MUC17: variants seen among roughly 807,000 people sequenced by gnomAD.
The protein encoded by MUC17 is mucin-17.
In MUC17, 190 loss-of-function variants were observed where a neutral mutation model predicts 170.3. The ratio of observed to expected loss-of-function variants is 1.12; its 90% confidence interval spans 0.99 to 1.26. The LOEUF is 1.26. MUC17 is among the 50% of genes most tolerant of loss of function. The pLI is 0.00. For synonymous variants in MUC17, 2,325 were observed against 2,002.5 expected (o/e 1.16, Z -4.30); for missense variants, 6,415 against 5,530.0 (o/e 1.16, Z -5.08).
rs369560579 is a variant in MUC17, at chr7:101,043,765, A to G, written c.12349A>G (p.Thr4117Ala). 1.2e-6 allele frequency: 2 copies of G among 1,613,516 alleles called. No homozygotes were observed. The highest frequency in any genetic ancestry group is 1.3e-5 in the African/African-American group (1 of 74,896). The change falls in exon 3 of 13, where the codon ACT becomes GCT. Residue 4117 changes from threonine (T) to alanine (A), a missense_variant. By Grantham distance (58) the Thr-to-Ala change is moderately conservative. Coordinates refer to ENST00000306151, the MANE Select transcript of MUC17 (RefSeq NM_001040105.2). Reference sequence around the variant, plus strand: ...GACCACCACCGCTGTCCCCACGAATACTACAATTAAGAGCAACCCCACCTC... The same window carrying G: ...GACCACCACCGCTGTCCCCACGAATGCTACAATTAAGAGCAACCCCACCTC... ...TVTTTAVPTNTTIKSNPTSTP... is the reference protein window; with the variant it reads ...TVTTTAVPTNATIKSNPTSTP...
In MUC17 at chr7:101,041,995, A is replaced by C. The variant is rs1423038800; in HGVS notation, c.10579A>C (p.Thr3527Pro). Residue 3527 changes from threonine to proline, a missense_variant, in exon 3 of 13, where the codon ACA becomes CCA. Transcript: ENST00000306151. ...TPLTNMPVST[T>P]PVASSEASTL... Reference sequence around the variant, plus strand: ...ATTAACAAATATGCCTGTCAGCACCACACCGGTGGCCAGTTCTGAGGCTAG... The same window carrying C: ...ATTAACAAATATGCCTGTCAGCACCCCACCGGTGGCCAGTTCTGAGGCTAG... 5 of 1,613,538 alleles carry C rather than the reference A, an allele frequency of 3.1e-6. No individual in the cohort carries two copies. Among genetic ancestry groups the C allele is most frequent in the Admixed American group, 3.3e-5 (2 of 59,980 alleles).
rs758229077 is a variant in MUC17, at chr7:101,033,061, A to AT, written c.1645_1646insT (p.Ser549MetfsTer8). 1.2e-5 allele frequency: 19 copies of AT among 1,613,200 alleles called. No individual in the cohort carries two copies. In the South Asian group the frequency reaches 2.1e-4, roughly 18 times the overall value. ...ACCTGTGACCACTTCTAGTGAAGCCAGTTCATCTTCTACAACTCCTGAAGG... is the reference window on the plus strand; with the variant it reads ...ACCTGTGACCACTTCTAGTGAAGCCATGTTCATCTTCTACAACTCCTGAAGG... On this transcript the variant is annotated frameshift_variant, in exon 3 of 13. Coordinates refer to ENST00000306151, the MANE Select transcript of MUC17 (RefSeq NM_001040105.2). LOFTEE classifies it high-confidence loss of function.
At chr7:101,028,618 C>T (rs965741721) in intron 1 of MUC17, among the ~76,000 whole-genome samples, 2 of 151,844 alleles carry the variant, frequency 1.3e-5, no homozygotes, top group Non-Finnish European at 2.9e-5. Flanking sequence ...TGGCTCATAC[C>T]TGTAATCCCA....
At position 101,050,611 on chromosome 7, in the gene MUC17, A is replaced by G. The variant is rs745310243; in HGVS notation, c.12850A>G (p.Ile4284Val). ...AATCACAAAAGTGACCACACAGCAA[A>G]TAATGATTAATGATATTTGCTCAGG... ...EKITKVTTQQ[I>V]MINDICSDMM... The change falls in exon 7 of 13, where the codon ATA becomes GTA. Residue 4284 changes from isoleucine to valine, a missense_variant. Ile to Val is a conservative substitution (Grantham distance 29). Transcript: ENST00000306151. 1.2e-6 allele frequency: 2 copies of G among 1,613,944 alleles called. No homozygotes were observed. Among genetic ancestry groups the G allele is most frequent in the Non-Finnish European group, 1.7e-6 (2 of 1,179,972 alleles).
At position 101,043,175 on chromosome 7, in the gene MUC17, T is replaced by C. The variant is rs762287479; in HGVS notation, c.11759T>C (p.Val3920Ala). 1 of 1,614,112 alleles carries C rather than the reference T, an allele frequency of 6.2e-7. No individual in the cohort carries two copies. Among genetic ancestry groups the C allele is most frequent in the Non-Finnish European group, 8.5e-7 (1 of 1,180,008 alleles). ...ACTGCCTCAACTCCCACAATTCCTG[T>C]AGCCACCACCATATCTGTATCAGTG... Reference protein sequence around the residue: ...TDTASTPTIPVATTISVSVIT... With the variant: ...TDTASTPTIPAATTISVSVIT... Residue 3920 changes from valine (V) to alanine (A), a missense_variant, in exon 3 of 13, where the codon GTA becomes GCA. Coordinates refer to ENST00000306151, the MANE Select transcript of MUC17 (RefSeq NM_001040105.2).
In MUC17 at chr7:101,040,843, C is replaced by T. The variant is rs750015742; in HGVS notation, c.9427C>T (p.His3143Tyr). The T allele has an allele frequency of 2.3e-5, 37 of 1,584,684 alleles. 3 individuals are homozygous for T. The Admixed American group carries it at 6.6e-4, about 28-fold the overall frequency. ...STPVTTSTEA[H>Y]SSPTTSEGTS... is the part of the protein sequence containing the mutation. The stretch of plus-strand genomic sequence containing the variant: ...ACCTGTGACCACTTCTACTGAAGCC[C>T]ATTCATCTCCTACAACTTCTGAAGG... The change falls in exon 3 of 13, where the codon CAT becomes TAT. Residue 3143 changes from histidine to tyrosine, a missense_variant. Transcript: ENST00000306151.
At chr7:101,049,022 A>G (rs951070337) in intron 5 of MUC17, 50 bp downstream of exon 5, 1 of 1,612,658 alleles carries the variant, frequency 6.2e-7, no homozygotes, top group Non-Finnish European at 8.5e-7. Flanking sequence ...CCCCCAGAGC[A>G]GAGTCTGTAG....
At chr7:101,047,747 CTT>C (rs1262552320) in intron 3 of MUC17, among the ~76,000 whole-genome samples, 1 of 152,176 alleles carries the variant, frequency 6.6e-6, no homozygotes, top group Non-Finnish European at 1.5e-5. Context: ...AGGAGAATCA[CTT>C]GAACCTGGGA....
Position 101,036,094 on chromosome 7 carries a change from G to A in MUC17, c.4678G>A (p.Gly1560Ser), listed in dbSNP as rs371133077. 147 of 1,612,212 alleles carry A rather than the reference G, an allele frequency of 9.1e-5. No homozygotes were observed. The highest frequency in any genetic ancestry group is 1.1e-4 in the Non-Finnish European group (132 of 1,178,794). Residue 1560 changes from glycine to serine, a missense_variant, in exon 3 of 13, where the codon GGT becomes AGT. Coordinates refer to ENST00000306151, the MANE Select transcript of MUC17 (RefSeq NM_001040105.2). ...QASSSPTTAD[G>S]TSMQTSTYSE... ...CAGTTCATCTCCTACAACTGCTGAC[G>A]GTACCAGCATGCAAACCTCAACTTA...
At chr7:101,031,366 T>C in intron 2 of MUC17, 145 bp downstream of exon 2, 1 of 1,360,798 alleles carries the variant, frequency 7.3e-7, no homozygotes, top group Non-Finnish European at 9.8e-7. Context: ...AAGGCAGATG[T>C]GGAATCACCC....
rs370607705 is a variant in MUC17, at chr7:101,041,291, C to A, written c.9875C>A (p.Thr3292Lys). ...ACAAGTATGCCTGTCAGCACCACAA[C>A]GGTGGCCAGTTCTGAAACGAGCACC... ...PLTSMPVSTT[T>K]VASSETSTLS... The change falls in exon 3 of 13, where the codon ACG becomes AAG. Residue 3292 changes from threonine (T) to lysine (K), a missense_variant. Physicochemically the swap from Thr to Lys is moderately conservative, Grantham distance 78. Transcript: ENST00000306151. 3 of 1,610,102 alleles carry A rather than the reference C, an allele frequency of 1.9e-6. No homozygotes were observed. The highest frequency in any genetic ancestry group is 2.7e-5 in the African/African-American group (2 of 74,292).
Position 101,035,837 on chromosome 7 carries a change from C to A in MUC17, c.4421C>A (p.Thr1474Asn), listed in dbSNP as rs1256501304. ...NTPVANSEASTLSTTPVDSNS... is the reference protein window; with the variant it reads ...NTPVANSEASNLSTTPVDSNS... ...CCGGTGGCCAATTCTGAGGCTAGCA[C>A]CCTTTCAACAACTCCTGTTGACTCT... is the stretch of plus-strand genomic sequence containing the variant. The change falls in exon 3 of 13, where the codon ACC (threonine) becomes AAC (asparagine). Residue 1474 changes from threonine to asparagine, a missense_variant. Thr to Asn is a moderately conservative substitution (Grantham distance 65). Transcript: ENST00000306151. 2.5e-6 allele frequency: 4 copies of A among 1,599,798 alleles called. No individual in the cohort carries two copies. Among genetic ancestry groups the A allele is most frequent in the Non-Finnish European group, 3.4e-6 (4 of 1,171,862 alleles).
At chr7:101,052,846 C>A in intron 9 of MUC17, 140 bp from the exon 10 acceptor site, 1 of 927,130 alleles carries the variant, frequency 1.1e-6, no homozygotes, top group Non-Finnish European at 1.6e-6. Context: ...TGTTCATCCC[C>A]TCGGGGTGCC....
Position 101,043,222 on chromosome 7 carries a change from G to C in MUC17, c.11806G>C (p.Gly3936Arg). The change falls in exon 3 of 13, where the codon GGG becomes CGG. Residue 3936 changes from glycine to arginine, a missense_variant. Transcript: ENST00000306151. ...VSVITEGSTPGTTIFIPSTPV... is the reference protein window; with the variant it reads ...VSVITEGSTPRTTIFIPSTPV... ...AGTGATCACAGAAGGAAGCACACCT[G>C]GGACAACCATTTTTATTCCCAGCAC... 3 of 1,614,060 alleles carry C rather than the reference G, an allele frequency of 1.9e-6. No individual in the cohort carries two copies. The highest frequency in any genetic ancestry group is 2.2e-5 in the South Asian group (2 of 91,072).
rs1795040536 is a variant in MUC17, at chr7:101,056,229, A to T, written c.13399A>T (p.Asn4467Tyr). Residue 4467 changes from asparagine (N) to tyrosine (Y), a missense_variant, in exon 12 of 13, where the codon AAT becomes TAT. Asn to Tyr is a moderately radical substitution (Grantham distance 143). Transcript: ENST00000306151. ...DSIHLESIYS[N>Y]FQPSLRHIDP... ...CATCCACCTGGAGTCCATCTATAGT[A>T]ATTTCCAGCCCTCCTTGAGACACAT... 1 of 1,613,920 alleles carries T rather than the reference A, an allele frequency of 6.2e-7. No homozygotes were observed. Among genetic ancestry groups the T allele is most frequent in the Non-Finnish European group, 8.5e-7 (1 of 1,179,952 alleles).
rs1320126244 is a variant in MUC17 at position 101,034,991 on chromosome 7, C to T, written c.3575C>T (p.Ala1192Val). Residue 1192 changes from alanine to valine, a missense_variant, in exon 3 of 13, where the codon GCC (alanine) becomes GTC (valine). Physicochemically the swap from Ala to Val is moderately conservative, Grantham distance 64. Coordinates refer to ENST00000306151, the MANE Select transcript of MUC17 (RefSeq NM_001040105.2). ...CCTGTGGACTCCAAAACTCAGGTGGCCACTTCTACTGAAGCCAGTTCACCT... is the reference window on the plus strand; with the variant it reads ...CCTGTGGACTCCAAAACTCAGGTGGTCACTTCTACTGAAGCCAGTTCACCT... The part of the protein sequence containing the change: ...TTPVDSKTQV[A>V]TSTEASSPPP... 2 of 1,613,686 alleles carry T rather than the reference C, an allele frequency of 1.2e-6. No individual in the cohort carries two copies. The highest frequency in any genetic ancestry group is 1.7e-6 in the Non-Finnish European group (2 of 1,179,894).
chr7:101,030,369 C>T (rs1274889846), intron 1 of MUC17, among the ~76,000 whole-genome samples: 1 of 151,786 alleles, frequency 6.6e-6, no homozygotes, highest in Non-Finnish European at 1.5e-5. Flanking sequence ...ACTACAGGTG[C>T]ACATGCCACC....
At position 101,042,376 on chromosome 7, in the gene MUC17, A is replaced by G. The variant is rs1273580245; in HGVS notation, c.10960A>G (p.Thr3654Ala). The change falls in exon 3 of 13, where the codon ACA becomes GCA. Residue 3654 changes from threonine to alanine, a missense_variant. Physicochemically the swap from Thr to Ala is moderately conservative, Grantham distance 58. Transcript: ENST00000306151. ...TTSVTISEAG[T>A]ASTLPVDTST... The stretch of plus-strand genomic sequence containing the variant: ...ATCGGTGACCATTTCTGAGGCTGGC[A>G]CAGCTTCAACACTTCCTGTTGACAC... 1 of 1,614,112 alleles carries G rather than the reference A, an allele frequency of 6.2e-7. No individual in the cohort carries two copies. Among genetic ancestry groups the G allele is most frequent in the African/African-American group, 1.3e-5 (1 of 75,050 alleles).
Position 101,040,136 on chromosome 7 carries a change from G to T in MUC17, c.8720G>T (p.Ser2907Ile). The change falls in exon 3 of 13, where the codon AGT becomes ATT. Residue 2907 changes from serine (S) to isoleucine (I), a missense_variant. Coordinates refer to ENST00000306151, the MANE Select transcript of MUC17 (RefSeq NM_001040105.2). The part of the protein sequence containing the change: ...SIPVTTSTEG[S>I]SSPTTAEGTS... ...CCTGTCACCACTTCTACTGAAGGCA[G>T]TTCTTCTCCTACAACTGCTGAAGGT... 1 of 1,612,724 alleles carries T rather than the reference G, an allele frequency of 6.2e-7. No individual in the cohort carries two copies. The highest frequency in any genetic ancestry group is 8.5e-7 in the Non-Finnish European group (1 of 1,179,468).
Sources: allele counts gnomAD v4.1 joint callset (sites outside exome capture counted in the v4.1 genomes callset), GRCh38; gene constraint gnomAD v4.1.1; transcripts MANE v1.5; gene names NCBI Gene and HGNC (gene_info 2026-07-23, HGNC 2026-07-21).